RANBP3: variants seen among roughly 807,000 people sequenced by gnomAD.
The protein encoded by RANBP3 is ran-binding protein 3.
RANBP3 carries 14 observed loss-of-function variants against 77.3 expected under a neutral mutation model. The ratio of observed to expected loss-of-function variants is 0.18; its 90% CI spans 0.12 to 0.28. The LOEUF (loss-of-function observed/expected upper bound fraction) is 0.28. RANBP3 is among the 10% of genes least tolerant of loss of function. The pLI is 1.00. For missense variants in RANBP3, 586 were observed against 752.3 expected, an observed-to-expected ratio of 0.78 and a Z score of 2.59; for synonymous variants, 315 against 312.4, an observed-to-expected ratio of 1.01 and a Z score of -0.09.
At chr19:5,935,654 G>T (rs531854927) in intron 5 of RANBP3, 1 of 453,266 alleles carries the variant, frequency 2.2e-6, no homozygotes, top group African/African-American at 2.0e-5. Context: ...CCAAGCGGAA[G>T]CAGGAGACTT....
At chr19:5,955,102 G>T (rs947377933) in intron 2 of RANBP3, among the ~76,000 whole-genome samples, 1 of 152,164 alleles carries the variant, frequency 6.6e-6, no homozygotes, top group Non-Finnish European at 1.5e-5. Context: ...ATTTTGATAA[G>T]AACTATACTT....
rs936814929 is a variant in RANBP3 at position 5,959,451 on chromosome 19, C to T, written c.23-1478G>A. Among the ~76,000 whole-genome samples the T allele has an allele frequency of 6.6e-6, 1 of 152,090 alleles. No homozygotes were observed. Among genetic ancestry groups the T allele is most frequent in the African/African-American group, 2.4e-5 (1 of 41,400 alleles). ...AGCCCACTGATGGTGACATTCCCCCCACCATGCTCCCCGAAGCCTCGGCAC... is the reference window on the plus strand; with the variant it reads ...AGCCCACTGATGGTGACATTCCCCCTACCATGCTCCCCGAAGCCTCGGCAC... On this transcript the variant is annotated intron_variant, in intron 1 of 16. Transcript: ENST00000340578. The surrounding 1 kb of genome is among the most constrained non-coding windows in gnomAD (Gnocchi z 5.1).
At position 5,933,107 on chromosome 19, in the gene RANBP3, C is replaced by A. The variant is rs1370216413; in HGVS notation, c.472+307G>T. ...ACACTGTGGTATGTGGGGGCCAGAA[C>A]ATGAAGGACAGACAGGCTGAACCAA... On this transcript the variant is annotated intron_variant, in intron 6 of 16. Coordinates refer to ENST00000340578, the MANE Select transcript of RANBP3 (RefSeq NM_007322.3). 1.0e-5 allele frequency: 4 copies of A among 381,322 alleles called. No individual in the cohort carries two copies. In the Admixed American group the frequency reaches 1.8e-4, roughly 17 times the overall value. 23.6% of individuals were successfully genotyped at this position (381,322 alleles called of 1,614,324 possible). A position where few individuals can be genotyped will look rare whatever the true frequency, so the allele number is the denominator to read the frequency against.
At chr19:5,937,712 C>A (rs952115197) in intron 5 of RANBP3, among the ~76,000 whole-genome samples, 1 of 152,160 alleles carries the variant, frequency 6.6e-6, no homozygotes. Context: ...CCTTTTCATG[C>A]GTGAGGGCAC....
chr19:5,956,397 T>C (rs947569750), intron 2 of RANBP3, among the ~76,000 whole-genome samples: 2 of 152,056 alleles, frequency 1.3e-5, no homozygotes, highest in East Asian at 3.9e-4. Flanking sequence ...AGACAAATCA[T>C]AAAGCCACGT....
chr19:5,957,604 G>T (rs2058350717), intron 2 of RANBP3, among the ~76,000 whole-genome samples: 1 of 133,140 alleles, frequency 7.5e-6, no homozygotes, highest in African/African-American at 2.8e-5. Flanking sequence ...CTCTGCTGTT[G>T]GTTTTCCTAA....
chr19:5,977,935 C>T (rs2058617013), intron 1 of RANBP3, 126 bp downstream of exon 1: 2 of 1,271,422 alleles, frequency 1.6e-6, no homozygotes, highest in Non-Finnish European at 2.1e-6. Context: ...AGGCCCGCCA[C>T]GGCGCTAGCC....
At chr19:5,977,890 C>T in intron 1 of RANBP3, among the ~76,000 whole-genome samples, 171 bp downstream of exon 1, 1 of 152,158 alleles carries the variant, frequency 6.6e-6, no homozygotes, top group Non-Finnish European at 1.5e-5. Context: ...GGCCGGTGAG[C>T]CCGGCCTGAG....
chr19:5,975,055 C>G (rs758330741), intron 1 of RANBP3, among the ~76,000 whole-genome samples: 6 of 152,226 alleles, frequency 3.9e-5, no homozygotes, highest in Non-Finnish European at 7.3e-5. Flanking sequence ...AAACACGTGA[C>G]CATGGGGCAG....
chr19:5,939,401 G>A (rs1336546002), intron 5 of RANBP3, among the ~76,000 whole-genome samples: 1 of 152,140 alleles, frequency 6.6e-6, no homozygotes, highest in Non-Finnish European at 1.5e-5. Context: ...AACAGCTGAA[G>A]AAGAACTGAC....
In RANBP3 at chr19:5,924,610, G is replaced by A. The variant is rs2057876177; in HGVS notation, c.996+217C>T. Among the ~76,000 whole-genome samples the A allele has an allele frequency of 6.6e-6, 1 of 152,272 alleles. No homozygotes were observed. The highest frequency in any genetic ancestry group is 2.1e-4 in the South Asian group (1 of 4,834). On this transcript the variant is annotated intron_variant, in intron 11 of 16. Coordinates refer to ENST00000340578, the MANE Select transcript of RANBP3 (RefSeq NM_007322.3). The surrounding 1 kb of genome is among the most constrained non-coding windows in gnomAD (Gnocchi z 4.7). ...TGAAGTTGGCCCTGGTCAGCACGGA[G>A]GAGCCGGGAAAAGCGAATGCCAGTT...
Position 5,931,475 on chromosome 19 carries a change from G to A in RANBP3, c.622C>T (p.Pro208Ser). The change falls in exon 8 of 17, where the codon CCC becomes TCC. Residue 208 changes from proline (P) to serine (S), a missense_variant. Around this residue, in one of 5 missense-constraint regions of RANBP3, gnomAD observed 232 missense variants for 271.7 expected, o/e 0.85. Coordinates refer to ENST00000340578, the MANE Select transcript of RANBP3 (RefSeq NM_007322.3). ...SLPADCTGAV[P>S]AASPDTAAWR... Reference sequence around the variant, plus strand: ...GCAGCAGTGTCAGGGGATGCTGCGGGCACTGCCCCCGTGCAGTCTGCTGGG... The same window carrying A: ...GCAGCAGTGTCAGGGGATGCTGCGGACACTGCCCCCGTGCAGTCTGCTGGG... 6.2e-7 allele frequency: 1 copy of A among 1,612,828 alleles called. No individual in the cohort carries two copies. Among genetic ancestry groups the A allele is most frequent in the South Asian group, 1.1e-5 (1 of 91,038 alleles).
rs2057877688 is a variant in RANBP3 at position 5,924,713 on chromosome 19, G to C, written c.996+114C>G. 9.5e-7 allele frequency: 1 copy of C among 1,053,306 alleles called. No individual in the cohort carries two copies. The highest frequency in any genetic ancestry group is 1.5e-6 in the Non-Finnish European group (1 of 680,744). 65.2% of individuals were successfully genotyped at this position (1,053,306 alleles called of 1,614,324 possible). On this transcript the variant is annotated intron_variant, in intron 11 of 16. Coordinates refer to ENST00000340578, the MANE Select transcript of RANBP3 (RefSeq NM_007322.3). This position sits in a 1 kb window ranked among gnomAD's most constrained non-coding sequence, Gnocchi z 4.7. ...TTCCCTCTCTCACTTGCTACTGAAG[G>C]CATCCCCATCTCACATAGGACGACA... is the stretch of plus-strand genomic sequence containing the variant.
chr19:5,937,969 C>T (rs754792277), intron 5 of RANBP3, among the ~76,000 whole-genome samples: 6 of 152,192 alleles, frequency 3.9e-5, no homozygotes, highest in Non-Finnish European at 7.3e-5. Flanking sequence ...AGACCACCAC[C>T]TGCTAAGCGA....
chr19:5,917,473 G>T lies in RANBP3; in HGVS notation c.*137C>A. On this transcript the variant is annotated 3_prime_UTR_variant, in exon 17 of 17. Transcript: ENST00000340578. Reference sequence around the variant, plus strand: ...AGTCTGCTTTTGAACAGGACGTGCGGGTCCAGACTGTGGCCGGCCCAGTGG... The same window carrying T: ...AGTCTGCTTTTGAACAGGACGTGCGTGTCCAGACTGTGGCCGGCCCAGTGG... 1 of 981,134 alleles carries T rather than the reference G, an allele frequency of 1.0e-6. No homozygotes were observed. The highest frequency in any genetic ancestry group is 1.5e-6 in the Non-Finnish European group (1 of 677,150). 60.8% of individuals were successfully genotyped at this position (981,134 alleles called of 1,614,324 possible).
At chr19:5,947,601 C>T (rs974788952) in intron 3 of RANBP3, among the ~76,000 whole-genome samples, 40 of 152,152 alleles carry the variant, frequency 2.6e-4, no homozygotes, top group African/African-American at 8.9e-4. Flanking sequence ...ACCAGAGGGC[C>T]CTTTGACTTG....
At chr19:5,964,748 C>G (rs974314449) in intron 1 of RANBP3, among the ~76,000 whole-genome samples, 1 of 151,448 alleles carries the variant, frequency 6.6e-6, no homozygotes, top group Non-Finnish European at 1.5e-5. Flanking sequence ...CAGGGTGGCA[C>G]ATGCAGTGGG....
Position 5,955,915 on chromosome 19 carries a change from A to AAC in RANBP3, c.78+2001_78+2002dup, listed in dbSNP as rs147914719. 5.3e-4 allele frequency among the ~76,000 whole-genome samples: 80 copies of AAC among 152,314 alleles called. 1 individual carries two copies. Among genetic ancestry groups the AAC allele is most frequent in the African/African-American group, 1.9e-3 (79 of 41,554 alleles). On this transcript the variant is annotated intron_variant, in intron 2 of 16. Transcript: ENST00000340578. The stretch of plus-strand genomic sequence containing the variant: ...CCATAAGTTCGAGACCAGCTTGGGC[A>AAC]ACACAGCAAGACACCATCTCTAAAA...
At position 5,958,970 on chromosome 19, in the gene RANBP3, C is replaced by A. The variant is rs2058368166; in HGVS notation, c.23-997G>T. On this transcript the variant is annotated intron_variant, in intron 1 of 16. Coordinates refer to ENST00000340578, the MANE Select transcript of RANBP3 (RefSeq NM_007322.3). This position sits in a 1 kb window ranked among gnomAD's most constrained non-coding sequence, Gnocchi z 4.4. The stretch of plus-strand genomic sequence containing the variant: ...AGCCCTGCCTTCGCAGGCCCCCCGA[C>A]CCCGGTCGTGGGGAGCCAGGCATTA... Among the ~76,000 whole-genome samples, 1 of 152,244 alleles carries A rather than the reference C, an allele frequency of 6.6e-6. No individual in the cohort carries two copies. Among genetic ancestry groups the A allele is most frequent in the Non-Finnish European group, 1.5e-5 (1 of 68,040 alleles).
Sources: gnomAD v4.1 joint callset for allele counts (sites outside exome capture counted in the v4.1 genomes callset) on GRCh38, gnomAD v4.1.1 for gene constraint, gnomAD v4.1.1 regional missense constraint, Gnocchi (gnomAD v3.1) non-coding constraint, MANE v1.5 for transcripts, NCBI Gene and HGNC (gene_info 2026-07-23, HGNC 2026-07-21) for gene names.